Variants in NREP observed in about 807,000 individuals in gnomAD.
NREP encodes the protein neuronal regeneration related protein.
NREP carries 5 observed loss-of-function variants against 8.6 expected under a neutral mutation model. The observed-to-expected ratio is 0.58, with a 90% CI of 0.30 to 1.22. NREP has a LOEUF of 1.22. Ranked by LOEUF, NREP falls within the 50% of genes most tolerant of loss-of-function variation. The pLI is 0.07. For missense variants in NREP, 86 were observed against 82.5 expected (o/e 1.04, Z -0.17); for synonymous variants, 27 against 28.0 (o/e 0.96, Z 0.11).
chr5:111,912,553 T>C (rs1754942448), intron 2 of NREP: 1 of 152,118 alleles, frequency 6.6e-6, no homozygotes, highest in Non-Finnish European at 1.5e-5. Context: ...CTCCAATAAT[T>C]TGTGCCCAAA....
At chr5:111,802,869 G>C (rs1436193489) in intron 2 of NREP, among the ~76,000 whole-genome samples, 1 of 152,144 alleles carries the variant, frequency 6.6e-6, no homozygotes, top group African/African-American at 2.4e-5. Flanking sequence ...TTAGATGACT[G>C]AGCAAAACTG....
chr5:111,787,476 G>A (rs1459568452), intron 2 of NREP, among the ~76,000 whole-genome samples: 2 of 151,894 alleles, frequency 1.3e-5, no homozygotes, highest in Non-Finnish European at 2.9e-5. Flanking sequence ...TGATAGAGTT[G>A]GGGATAAGTA....
At chr5:111,769,613 C>G (rs542097681) in intron 2 of NREP, among the ~76,000 whole-genome samples, 1 of 152,268 alleles carries the variant, frequency 6.6e-6, no homozygotes, top group South Asian at 2.1e-4. Flanking sequence ...ATGAGGAAAA[C>G]AGGTTTAATT....
At chr5:111,869,640 G>A (rs1753742226) in intron 2 of NREP, among the ~76,000 whole-genome samples, 1 of 152,154 alleles carries the variant, frequency 6.6e-6, no homozygotes, top group African/African-American at 2.4e-5. Context: ...CTCATGTGGA[G>A]AGAAAGAAAA....
chr5:111,766,579 G>A (rs770986508), intron 2 of NREP, among the ~76,000 whole-genome samples: 1 of 152,158 alleles, frequency 6.6e-6, no homozygotes, highest in African/African-American at 2.4e-5. Flanking sequence ...CACATACTGA[G>A]TCTACTTCAG....
chr5:111,894,241 A>C (rs1229837540), intron 2 of NREP, among the ~76,000 whole-genome samples: 3 of 152,000 alleles, frequency 2.0e-5, no homozygotes, highest in Non-Finnish European at 4.4e-5. Flanking sequence ...AATAATAATA[A>C]TTAATAATAA....
intron 2 of NREP, among the ~76,000 whole-genome samples, chr5:111,947,743 CATGA>C (rs1756031726): frequency 6.6e-6 from 1 of 152,022 alleles, no homozygotes; most frequent in Admixed American, 6.6e-5. Context: ...CAGAATGGCA[CATGA>C]ATGCAGTGAT....
chr5:111,934,252 T>C (rs551829759), intron 2 of NREP, among the ~76,000 whole-genome samples: 8 of 152,198 alleles, frequency 5.3e-5, no homozygotes, highest in Non-Finnish European at 1.2e-4. Context: ...GGGTTATAAA[T>C]TGACTGTTGT....
chr5:111,907,254 G>A (rs772230093), intron 2 of NREP, among the ~76,000 whole-genome samples: 1 of 151,940 alleles, frequency 6.6e-6, no homozygotes, highest in African/African-American at 2.4e-5. Flanking sequence ...ATTTAAAAAC[G>A]TATCTTCAAA....
chr5:111,848,016 C>A (rs1168234179), intron 2 of NREP, among the ~76,000 whole-genome samples: 1 of 152,126 alleles, frequency 6.6e-6, no homozygotes, highest in Non-Finnish European at 1.5e-5. Flanking sequence ...GTATGCATGA[C>A]CCTGAGCTTC....
At chr5:111,790,671 A>G (rs761394848) in intron 2 of NREP, among the ~76,000 whole-genome samples, 1 of 152,170 alleles carries the variant, frequency 6.6e-6, no homozygotes, top group Non-Finnish European at 1.5e-5. Context: ...TTAAATGCAG[A>G]ATATAGAAAG....
chr5:111,970,774 C>G (rs1756791005), intron 2 of NREP, among the ~76,000 whole-genome samples: 1 of 125,872 alleles, frequency 7.9e-6, no homozygotes, highest in African/African-American at 3.0e-5. Context: ...TGCAGTGAGT[C>G]GAAATCATGC....
At chr5:111,884,746 C>G (rs568761230) in intron 2 of NREP, among the ~76,000 whole-genome samples, 25 of 152,226 alleles carry the variant, frequency 1.6e-4, no homozygotes, top group Non-Finnish European at 3.1e-4. Context: ...TCAATAGATG[C>G]AGAAAAGGCC....
chr5:111,810,486 A>G (rs1166574628), intron 2 of NREP, among the ~76,000 whole-genome samples: 1 of 152,210 alleles, frequency 6.6e-6, no homozygotes, highest in East Asian at 1.9e-4. Context: ...CACTTGTACT[A>G]TCATAATAAT....
intron 2 of NREP, among the ~76,000 whole-genome samples, chr5:111,794,747 T>C (rs150568796): frequency 6.6e-6 from 1 of 152,292 alleles, no homozygotes; most frequent in East Asian, 1.9e-4. Context: ...TAAGCTATCA[T>C]GATGGATATA....
chr5:111,799,864 G>A lies in NREP; in HGVS notation c.136-64357C>T, dbSNP rs78461759. 5.3e-3 allele frequency among the ~76,000 whole-genome samples: 806 copies of A among 152,250 alleles called. 9 individuals are homozygous for A. The highest frequency in any genetic ancestry group is 0.019 in the African/African-American group (771 of 41,540). On this transcript the variant is annotated intron_variant, in intron 2 of 3. Transcript: ENST00000395634. ...TAGATATGAAATACAGTGAAAGAAT[G>A]TTGCCTTTTCAGGATTTGTTGGTTT...
chr5:111,796,815 A>G (rs540953674), intron 2 of NREP, among the ~76,000 whole-genome samples: 13 of 152,332 alleles, frequency 8.5e-5, no homozygotes, highest in African/African-American at 2.9e-4. Flanking sequence ...CACTGTTCTC[A>G]AGAAGCTTAA....
At chr5:111,788,863 G>T (rs1434381509) in intron 2 of NREP, among the ~76,000 whole-genome samples, 2 of 152,268 alleles carry the variant, frequency 1.3e-5, no homozygotes, top group South Asian at 2.1e-4. Context: ...AATGTGGGTG[G>T]GCCTCATCCC....
intron 2 of NREP, among the ~76,000 whole-genome samples, chr5:111,953,114 C>A (rs1233172064): frequency 6.6e-6 from 1 of 152,082 alleles, no homozygotes; most frequent in Non-Finnish European, 1.5e-5. Flanking sequence ...TCTTCTTCAA[C>A]TTTCTCTCAT....
Sources: allele counts gnomAD v4.1 joint callset (sites outside exome capture counted in the v4.1 genomes callset), GRCh38; gene constraint gnomAD v4.1.1; transcripts MANE v1.5; gene names NCBI Gene and HGNC (gene_info 2026-07-23, HGNC 2026-07-21).